Variants in NAALADL2 observed in about 807,000 individuals in gnomAD.
The protein encoded by NAALADL2 is N-acetylated alpha-linked acidic dipeptidase like 2, also known as inactive N-acetylated-alpha-linked acidic dipeptidase-like protein 2.
NAALADL2 carries 76 observed loss-of-function variants against 87.2 expected under a neutral mutation model. The observed-to-expected ratio is 0.87, with a 90% CI of 0.72 to 1.05. The LOEUF is 1.05. NAALADL2 is among the 50% of genes least tolerant of loss of function. The pLI, the probability that NAALADL2 is intolerant of heterozygous loss-of-function variation, is 0.00. For synonymous variants in NAALADL2, 354 were observed against 331.0 expected (o/e 1.07, Z -0.75); for missense variants, 1,089 against 945.8 (o/e 1.15, Z -1.99).
chr3:175,217,715 A>G (rs1411913142), intron 2 of NAALADL2, among the ~76,000 whole-genome samples: 1 of 152,248 alleles, frequency 6.6e-6, no homozygotes, highest in Admixed American at 6.5e-5. Context: ...CAACTCATGC[A>G]TTATGTGGCC....
intron 11 of NAALADL2, among the ~76,000 whole-genome samples, chr3:175,632,666 G>A (rs1273704879): frequency 6.6e-6 from 1 of 152,044 alleles, no homozygotes; most frequent in Non-Finnish European, 1.5e-5. Context: ...CTTAAGAAAA[G>A]TTGGTATTAT....
chr3:175,352,633 A>G (rs77431297), intron 5 of NAALADL2, among the ~76,000 whole-genome samples: 3 of 152,234 alleles, frequency 2.0e-5, no homozygotes, highest in African/African-American at 2.4e-5. Flanking sequence ...AGATATTTCA[A>G]TAAACGATGC....
At chr3:175,629,186 TAA>T (rs60172738) in intron 11 of NAALADL2, among the ~76,000 whole-genome samples, 2 of 148,282 alleles carry the variant, frequency 1.3e-5, no homozygotes, top group Admixed American at 6.8e-5. Context: ...CATACACACA[TAA>T]AAACATGCAT....
chr3:174,630,233 T>A (rs1446387096), intron 2 of NAALADL2, among the ~76,000 whole-genome samples: 1 of 152,176 alleles, frequency 6.6e-6, no homozygotes, highest in Non-Finnish European at 1.5e-5. Flanking sequence ...TTGACTTTCT[T>A]TGAAGTCACT....
chr3:174,544,022 A>G (rs952923593), intron 1 of NAALADL2, among the ~76,000 whole-genome samples: 4 of 145,642 alleles, frequency 2.7e-5, no homozygotes, highest in Non-Finnish European at 4.6e-5. Context: ...AAAAAAAAAA[A>G]GAAAAGAAAG....
chr3:174,997,765 C>G (rs1747706859), intron 1 of NAALADL2, among the ~76,000 whole-genome samples: 1 of 151,792 alleles, frequency 6.6e-6, no homozygotes, highest in Non-Finnish European at 1.5e-5. Flanking sequence ...TGCAGTGAGC[C>G]AAGATTGTTC....
At chr3:174,559,769 G>A (rs1713355122) in intron 2 of NAALADL2, among the ~76,000 whole-genome samples, 1 of 152,106 alleles carries the variant, frequency 6.6e-6, no homozygotes, top group African/African-American at 2.4e-5. Context: ...TTCCATTTAT[G>A]AGGGCTCCAC....
chr3:175,359,138 A>C lies in NAALADL2; in HGVS notation c.1090+34813A>C, dbSNP rs1208848354. On this transcript the variant is annotated intron_variant, in intron 5 of 13. Transcript: ENST00000454872. ...AAATGGAGACCAGCAGTTATTGCAC[A>C]ATCTCCAAAGTAGCAATCTCTTACT... is the stretch of plus-strand genomic sequence containing the variant. Among the ~76,000 whole-genome samples the C allele has an allele frequency of 2.0e-5, 3 of 152,244 alleles. No homozygotes were observed. In the East Asian group the frequency reaches 5.8e-4, roughly 29 times the overall value.
chr3:174,486,171 G>T (rs2108339745), intron 1 of NAALADL2, among the ~76,000 whole-genome samples: 1 of 152,152 alleles, frequency 6.6e-6, no homozygotes, highest in African/African-American at 2.4e-5. Context: ...ACTGAAAGTG[G>T]TTATTTCCCT....
At chr3:174,806,465 G>A (rs763533677) in intron 3 of NAALADL2, among the ~76,000 whole-genome samples, 1 of 152,202 alleles carries the variant, frequency 6.6e-6, no homozygotes. Flanking sequence ...TCACTGAAGA[G>A]CCTAACAGCT....
rs77973009 is a variant in NAALADL2, at chr3:175,434,403, G to A, written c.1091-12826G>A. Among the ~76,000 whole-genome samples the A allele has an allele frequency of 1.3e-3, 200 of 152,010 alleles. 4 individuals carry two copies. In the East Asian group the frequency reaches 0.034, roughly 26 times the overall value. On this transcript the variant is annotated intron_variant, in intron 5 of 13. Coordinates refer to ENST00000454872, the MANE Select transcript of NAALADL2 (RefSeq NM_207015.3). ...TCTTTTCTTGTGTCAATATTTCCAC[G>A]TCAAAAACAGGAAACTGCAAAGATC...
At chr3:175,674,301 C>T (rs1190377938) in intron 11 of NAALADL2, among the ~76,000 whole-genome samples, 2 of 150,878 alleles carry the variant, frequency 1.3e-5, no homozygotes, top group African/African-American at 4.9e-5. Context: ...TCTCTGTCGC[C>T]CAGGCTGGAG....
intron 13 of NAALADL2, among the ~76,000 whole-genome samples, chr3:175,792,726 A>C (rs1752946270): frequency 6.6e-6 from 1 of 152,224 alleles, no homozygotes; most frequent in African/African-American, 2.4e-5. Flanking sequence ...AACTGACGTA[A>C]TTGAAAATCA....
intron 2 of NAALADL2, among the ~76,000 whole-genome samples, chr3:175,227,257 C>T (rs541815454): frequency 1.3e-5 from 2 of 152,102 alleles, no homozygotes; most frequent in South Asian, 4.1e-4. Context: ...CTCTGTGGCT[C>T]ATACAGTAGC....
chr3:174,450,982 T>G (rs1486122064), intron 1 of NAALADL2, among the ~76,000 whole-genome samples: 1 of 152,168 alleles, frequency 6.6e-6, no homozygotes, highest in Non-Finnish European at 1.5e-5. Context: ...CTGAGTCAAT[T>G]TTAAATGTTT....
intron 9 of NAALADL2, among the ~76,000 whole-genome samples, chr3:175,473,729 A>C (rs1725241017): frequency 6.6e-6 from 1 of 152,108 alleles, no homozygotes; most frequent in African/African-American, 2.4e-5. Context: ...TACATGATTT[A>C]ATTAAAACAA....
At chr3:175,683,087 T>G (rs1735808694) in intron 11 of NAALADL2, among the ~76,000 whole-genome samples, 1 of 151,982 alleles carries the variant, frequency 6.6e-6, no homozygotes. Context: ...CAGAAAATTG[T>G]GAGAGGTCTT....
intron 2 of NAALADL2, among the ~76,000 whole-genome samples, chr3:174,723,946 T>A (rs1310102734): frequency 6.6e-6 from 1 of 152,074 alleles, no homozygotes; most frequent in African/African-American, 2.4e-5. Context: ...AATCCCTTGA[T>A]GACGTCTTTG....
chr3:175,292,033 A>G (rs1755700821), intron 4 of NAALADL2, among the ~76,000 whole-genome samples: 1 of 152,228 alleles, frequency 6.6e-6, no homozygotes, highest in African/African-American at 2.4e-5. Context: ...TTTAAAAAAT[A>G]ATTCAGAGAA....
Sources: gnomAD v4.1 joint callset for allele counts (sites outside exome capture counted in the v4.1 genomes callset) on GRCh38, gnomAD v4.1.1 for gene constraint, MANE v1.5 for transcripts, NCBI Gene and HGNC (gene_info 2026-07-23, HGNC 2026-07-21) for gene names.